The following QSOX1 variants were observed in gnomAD, a reference collection of about 807,000 sequenced individuals.
QSOX1 encodes quiescin sulfhydryl oxidase 1, also known as sulfhydryl oxidase 1.
Under a neutral mutation model 76.1 loss-of-function variants are expected in QSOX1, and 40 were observed. The ratio of observed to expected loss-of-function variants is 0.53; its 90% CI spans 0.41 to 0.68. The LOEUF (loss-of-function observed/expected upper bound fraction) is 0.68. Among genes scored for constraint, QSOX1 ranks in the 30% least tolerant of loss-of-function variants. QSOX1 has a pLI of 0.00. For synonymous variants in QSOX1, 392 were observed against 413.1 expected (o/e 0.95, Z 0.62); for missense variants, 931 against 974.3 (o/e 0.96, Z 0.59).
intron 2 of QSOX1, among the ~76,000 whole-genome samples, chr1:180,168,514 C>T (rs537695435): frequency 7.9e-5 from 12 of 152,340 alleles, no homozygotes; most frequent in African/African-American, 2.9e-4. Flanking sequence ...TCCTATGCAG[C>T]GGCTCTCAAA....
rs1251925440 is a variant in QSOX1, at chr1:180,196,517, A to G, written c.1724A>G (p.Asn575Ser). ...GGAGCCCTGGAGCTGGAAAGCCGGAATTCAACTCTGGACCCTGGGAAGCCT... is the reference window on the plus strand; with the variant it reads ...GGAGCCCTGGAGCTGGAAAGCCGGAGTTCAACTCTGGACCCTGGGAAGCCT... Reference protein sequence around the residue: ...AMGALELESRNSTLDPGKPEM... With the variant: ...AMGALELESRSSTLDPGKPEM... The change falls in exon 12 of 12, where the codon AAT becomes AGT. Residue 575 changes from asparagine to serine, a missense_variant. Coordinates refer to ENST00000367602, the MANE Select transcript of QSOX1 (RefSeq NM_002826.5). The surrounding 1 kb of genome is among the most constrained non-coding windows in gnomAD (Gnocchi z 4.1). 6.2e-7 allele frequency: 1 copy of G among 1,614,156 alleles called. No homozygotes were observed. Among genetic ancestry groups the G allele is most frequent in the Non-Finnish European group, 8.5e-7 (1 of 1,180,002 alleles).
chr1:180,169,715 C>T (rs554081436), intron 2 of QSOX1, among the ~76,000 whole-genome samples: 1 of 152,362 alleles, frequency 6.6e-6, no homozygotes, highest in African/African-American at 2.4e-5. Context: ...GTGTGGCAGT[C>T]CATCCATCTG....
rs1480726631 is a variant in QSOX1 at position 180,196,403 on chromosome 1, C to T, written c.1610C>T (p.Pro537Leu). The stretch of plus-strand genomic sequence containing the variant: ...AACTTCCTCAAGGCCCACTTCTCCC[C>T]AAGCAACATCATCCTGGACTTCCCT... Reference protein sequence around the residue: ...TLNFLKAHFSPSNIILDFPAA... With the variant: ...TLNFLKAHFSLSNIILDFPAA... The change falls in exon 12 of 12, where the codon CCA (proline) becomes CTA (leucine). Residue 537 changes from proline to leucine, a missense_variant. Coordinates refer to ENST00000367602, the MANE Select transcript of QSOX1 (RefSeq NM_002826.5). The surrounding 1 kb of genome is among the most constrained non-coding windows in gnomAD (Gnocchi z 4.1). 8 of 1,614,096 alleles carry T rather than the reference C, an allele frequency of 5.0e-6. No homozygotes were observed. In the Admixed American group the frequency reaches 5.0e-5, roughly 10 times the overall value.
intron 1 of QSOX1, among the ~76,000 whole-genome samples, chr1:180,165,429 TC>T (rs1662591105): frequency 6.6e-6 from 1 of 152,222 alleles, no homozygotes; most frequent in Non-Finnish European, 1.5e-5. Flanking sequence ...CTATTCTGGC[TC>T]CCATGCCTCC....
intron 6 of QSOX1, among the ~76,000 whole-genome samples, chr1:180,182,520 G>A (rs879509225): frequency 3.9e-5 from 6 of 152,100 alleles, no homozygotes; most frequent in Non-Finnish European, 7.4e-5. Flanking sequence ...ACCCTGTTCC[G>A]CAGCTCAGAG....
At chr1:180,186,314 C>A in intron 8 of QSOX1, 132 bp downstream of exon 8, 1 of 1,232,752 alleles carries the variant, frequency 8.1e-7, no homozygotes, top group Non-Finnish European at 1.1e-6. Context: ...GGACCCACAG[C>A]TCTCCCTGTC....
intron 10 of QSOX1, among the ~76,000 whole-genome samples, chr1:180,192,021 C>G (rs374265649): frequency 6.6e-6 from 1 of 152,130 alleles, no homozygotes; most frequent in South Asian, 2.1e-4. Context: ...GCAAGGACAC[C>G]AGTCCTATTG....
intron 4 of QSOX1, among the ~76,000 whole-genome samples, chr1:180,176,381 C>T (rs1193768689): frequency 1.3e-5 from 2 of 152,206 alleles, no homozygotes; most frequent in Non-Finnish European, 1.5e-5. Flanking sequence ...GTTTGCGGGA[C>T]GCAGCAGGAT....
At chr1:180,181,732 T>A (rs2149238221) in intron 5 of QSOX1, among the ~76,000 whole-genome samples, 1 of 152,302 alleles carries the variant, frequency 6.6e-6, no homozygotes, top group Admixed American at 6.5e-5. Flanking sequence ...AGAAAAATGT[T>A]ATGAGAAGGC....
chr1:180,177,794 T>C (rs16855378), intron 4 of QSOX1, among the ~76,000 whole-genome samples: 1 of 152,182 alleles, frequency 6.6e-6, no homozygotes, highest in African/African-American at 2.4e-5. Context: ...ACTCTGGCCC[T>C]CACCTGTCTA....
rs779839506 is a variant in QSOX1 at position 180,198,501 on chromosome 1, G to C, written c.*1464G>C. On this transcript the variant is annotated 3_prime_UTR_variant, in exon 12 of 12. Coordinates refer to ENST00000367602, the MANE Select transcript of QSOX1 (RefSeq NM_002826.5). ...TAAGGGGGAGCAGGAGCCTCAATCC[G>C]ATTTGGTTTTCTCTTTGACATCTTC... The C allele has an allele frequency of 7.1e-6, 3 of 421,774 alleles. No homozygotes were observed. The highest frequency in any genetic ancestry group is 4.9e-5 in the South Asian group (3 of 61,582). The allele number at this position is 421,774 out of a possible 1,614,324, so 26.1% of individuals were successfully genotyped here.
chr1:180,188,252 G>T (rs1417595744), intron 8 of QSOX1, among the ~76,000 whole-genome samples: 4 of 152,096 alleles, frequency 2.6e-5, no homozygotes, highest in African/African-American at 9.7e-5. Flanking sequence ...CTAGCTGCCA[G>T]CCCTGCAGGT....
At position 180,197,347 on chromosome 1, in the gene QSOX1, T is replaced by A. The variant is rs1427065027; in HGVS notation, c.*310T>A. The A allele has an allele frequency of 7.4e-6, 12 of 1,613,922 alleles. No individual in the cohort carries two copies. Among genetic ancestry groups the A allele is most frequent in the Non-Finnish European group, 1.0e-5 (12 of 1,180,016 alleles). ...CTGTTTTTCAGCTTATTTGAAGTCC[T>A]GCCTCATTCTCACTGGAGCCTCAGT... On this transcript the variant is annotated 3_prime_UTR_variant, in exon 12 of 12. Transcript: ENST00000367602.
Position 180,178,808 on chromosome 1 carries a change from A to G in QSOX1, c.530A>G (p.Asp177Gly). 1 of 1,613,764 alleles carries G rather than the reference A, an allele frequency of 6.2e-7. No homozygotes were observed. Among genetic ancestry groups the G allele is most frequent in the South Asian group, 1.1e-5 (1 of 91,086 alleles). The change falls in exon 5 of 12, where the codon GAT (aspartate) becomes GGT (glycine). Residue 177 changes from aspartate (D) to glycine (G), a missense_variant. Coordinates refer to ENST00000367602, the MANE Select transcript of QSOX1 (RefSeq NM_002826.5). ...GTCTCTTGCAGGCTGGAGGAGATTGATGGATTCTTTGCGAGAAATAACGAA... is the reference window on the plus strand; with the variant it reads ...GTCTCTTGCAGGCTGGAGGAGATTGGTGGATTCTTTGCGAGAAATAACGAA... ...PLEPAKLEEI[D>G]GFFARNNEEY...
intron 1 of QSOX1, among the ~76,000 whole-genome samples, chr1:180,158,899 T>C (rs1162585048): frequency 6.6e-6 from 1 of 152,230 alleles, no homozygotes; most frequent in Non-Finnish European, 1.5e-5. Context: ...TCATTCATCC[T>C]GGCCCTCGCT....
chr1:180,182,188 G>C lies in QSOX1; in HGVS notation c.621G>C (p.Leu207=). 1.2e-6 allele frequency: 2 copies of C among 1,614,182 alleles called. No individual in the cohort carries two copies. The highest frequency in any genetic ancestry group is 1.7e-6 in the Non-Finnish European group (2 of 1,180,022). ...TGTCCCTGCAGGTGGCTCTGGACCT[G>C]TCCCAGCACAAAGGCGTGGCGGTGC... ...SYLGREVALD[L]SQHKGVAVRR... The change falls in exon 6 of 12, where the codon CTG becomes CTC. Residue 207 remains leucine (L), a synonymous_variant. Transcript: ENST00000367602.
chr1:180,170,718 G>A (rs1045017640), intron 2 of QSOX1, among the ~76,000 whole-genome samples: 5 of 152,224 alleles, frequency 3.3e-5, no homozygotes, highest in African/African-American at 1.2e-4. Flanking sequence ...CGCCCCAGTG[G>A]TTGACTTAAT....
intron 2 of QSOX1, among the ~76,000 whole-genome samples, chr1:180,169,820 C>A (rs1314006483): frequency 6.6e-6 from 1 of 152,234 alleles, no homozygotes; most frequent in Admixed American, 6.5e-5. Flanking sequence ...AGCCCATGGC[C>A]AGTGAGAGGC....
At chr1:180,182,443 A>G (rs1663063757) in intron 6 of QSOX1, 124 bp downstream of exon 6, 1 of 1,331,200 alleles carries the variant, frequency 7.5e-7, no homozygotes, top group South Asian at 1.3e-5. Context: ...CCCCCTCAGG[A>G]GAAGCTGCAG....
Sources: allele counts gnomAD v4.1 joint callset (sites outside exome capture counted in the v4.1 genomes callset), GRCh38; gene constraint gnomAD v4.1.1; non-coding constraint Gnocchi (gnomAD v3.1); transcripts MANE v1.5; gene names NCBI Gene and HGNC (gene_info 2026-07-23, HGNC 2026-07-21).